The following JAM3 variants were observed in gnomAD, a reference collection of about 807,000 sequenced individuals.
JAM3 encodes junctional adhesion molecule C.
A neutral mutation model predicts 39.4 loss-of-function variants in JAM3; 31 were observed. The observed-to-expected ratio is 0.79, with a 90% CI of 0.59 to 1.06. The LOEUF (loss-of-function observed/expected upper bound fraction) is 1.06, where lower values mean the gene tolerates loss of function less well. Among genes scored for constraint, JAM3 ranks in the 50% least tolerant of loss-of-function variants. The pLI is 0.00. For synonymous variants in JAM3, 182 were observed against 148.7 expected, an observed-to-expected ratio of 1.22 and a Z score of -1.63; for missense variants, 455 against 391.4, an observed-to-expected ratio of 1.16 and a Z score of -1.37.
chr11:134,151,075 C>CTGT lies in JAM3; in HGVS notation c.*1895_*1897dup, dbSNP rs1366808847. The CTGT allele has an allele frequency of 1.3e-5, 2 of 152,298 alleles. No individual in the cohort carries two copies. The highest frequency in any genetic ancestry group is 2.4e-5 in the African/African-American group (1 of 41,474). The allele number at this position is 152,298 out of a possible 1,614,324, so 9.4% of individuals were successfully genotyped here. ...CCGTGCTGGACTCAGGACTGAAGTG[C>CTGT]TGTAAAGCAAGGAGCTGCTGAGAAG... On this transcript the variant is annotated 3_prime_UTR_variant, in exon 9 of 9. Coordinates refer to ENST00000299106, the MANE Select transcript of JAM3 (RefSeq NM_032801.5).
rs938216452 is a variant in JAM3, at chr11:134,144,132, C to T, written c.257-109C>T. ...CTCGGGAATAGAAATAAATATTGAT[C>T]TGCAGGCTTCCTTGCTGTGGCATCT... On this transcript the variant is annotated intron_variant, in intron 3 of 8. Coordinates refer to ENST00000299106, the MANE Select transcript of JAM3 (RefSeq NM_032801.5). 3 of 1,009,606 alleles carry T rather than the reference C, an allele frequency of 3.0e-6. No homozygotes were observed. The African/African-American group carries it at 4.8e-5, about 16-fold the overall frequency. 62.5% of individuals were successfully genotyped at this position (1,009,606 alleles called of 1,614,324 possible).
chr11:134,088,811 A>G (rs1465439902), intron 1 of JAM3, among the ~76,000 whole-genome samples: 1 of 152,132 alleles, frequency 6.6e-6, no homozygotes, highest in Non-Finnish European at 1.5e-5. Context: ...ATTTTTTGAG[A>G]TGGAGTCTCA....
intron 1 of JAM3, among the ~76,000 whole-genome samples, chr11:134,098,352 T>TA (rs930727167): frequency 2.0e-5 from 3 of 152,094 alleles, no homozygotes; most frequent in African/African-American, 7.2e-5. Flanking sequence ...TCTTTTAATT[T>TA]AAAAAAAGCT....
chr11:134,124,759 C>G (rs1402531483), intron 1 of JAM3, among the ~76,000 whole-genome samples: 3 of 152,076 alleles, frequency 2.0e-5, no homozygotes, highest in Admixed American at 1.3e-4. Flanking sequence ...GTCGGTGTGT[C>G]CAGGAGTGTT....
chr11:134,113,953 G>A (rs1180935477), intron 1 of JAM3, among the ~76,000 whole-genome samples: 2 of 152,160 alleles, frequency 1.3e-5, no homozygotes, highest in Non-Finnish European at 2.9e-5. Flanking sequence ...GTGATGATGA[G>A]CATTTCTTCA....
chr11:134,082,387 CA>C (rs1216712278), intron 1 of JAM3, among the ~76,000 whole-genome samples: 2 of 152,036 alleles, frequency 1.3e-5, no homozygotes, highest in Admixed American at 1.3e-4. Context: ...TGGGAGGGGC[CA>C]GGGGTGGAAT....
intron 1 of JAM3, among the ~76,000 whole-genome samples, chr11:134,122,386 G>A (rs1293863302): frequency 6.6e-6 from 1 of 152,142 alleles, no homozygotes; most frequent in Non-Finnish European, 1.5e-5. Flanking sequence ...AGCCCCTGAT[G>A]GTACCCCTCT....
intron 1 of JAM3, among the ~76,000 whole-genome samples, chr11:134,128,519 G>A (rs1306847926): frequency 6.6e-6 from 1 of 152,186 alleles, no homozygotes; most frequent in African/African-American, 2.4e-5. Context: ...CCTGGTGGAC[G>A]TGATTGGATT....
chr11:134,095,596 A>C (rs887076047), intron 1 of JAM3, among the ~76,000 whole-genome samples: 8 of 151,356 alleles, frequency 5.3e-5, no homozygotes, highest in Non-Finnish European at 1.0e-4. Flanking sequence ...GCGCCACTGC[A>C]CTCCAGCCTG....
intron 1 of JAM3, among the ~76,000 whole-genome samples, chr11:134,118,056 G>A (rs1846624011): frequency 1.3e-5 from 2 of 152,200 alleles, no homozygotes; most frequent in African/African-American, 4.8e-5. Context: ...TTATGGGACT[G>A]GGCTCACACA....
intron 1 of JAM3, among the ~76,000 whole-genome samples, chr11:134,110,090 T>G (rs1371114806): frequency 6.6e-6 from 1 of 152,184 alleles, no homozygotes; most frequent in East Asian, 1.9e-4. Flanking sequence ...AATTTGCACC[T>G]TAATGCAAAT....
chr11:134,148,379 G>T, intron 6 of JAM3, 168 bp from the exon 7 acceptor site: 5 of 748,016 alleles, frequency 6.7e-6, no homozygotes. Context: ...TGTCCTATAT[G>T]TTCTAGGCTA....
At position 134,132,634 on chromosome 11, in the gene JAM3, C is replaced by G. The variant is rs553023490; in HGVS notation, c.77-7217C>G. On this transcript the variant is annotated intron_variant, in intron 1 of 8. Coordinates refer to ENST00000299106, the MANE Select transcript of JAM3 (RefSeq NM_032801.5). ...GTTAGACTCTGGTAAGACAATTTCT[C>G]TTTTGGGCAGGCCTTGTTAAGGACA... 5.9e-5 allele frequency among the ~76,000 whole-genome samples: 9 copies of G among 152,276 alleles called. No homozygotes were observed. In the South Asian group the frequency reaches 1.7e-3, roughly 28 times the overall value.
At chr11:134,077,963 T>C (rs758733938) in intron 1 of JAM3, among the ~76,000 whole-genome samples, 1 of 151,946 alleles carries the variant, frequency 6.6e-6, no homozygotes, top group Non-Finnish European at 1.5e-5. Context: ...AGGATGCTTT[T>C]TCTTGAGAGT....
intron 1 of JAM3, among the ~76,000 whole-genome samples, chr11:134,088,109 A>G (rs1470265734): frequency 6.6e-6 from 1 of 152,208 alleles, no homozygotes; most frequent in Non-Finnish European, 1.5e-5. Flanking sequence ...TTTAGAATAC[A>G]TCACTGTTAA....
intron 1 of JAM3, among the ~76,000 whole-genome samples, chr11:134,069,370 C>T (rs1325354844): frequency 6.6e-6 from 1 of 152,104 alleles, no homozygotes; most frequent in Non-Finnish European, 1.5e-5. Flanking sequence ...CTGGGACGCC[C>T]GGCAGTTGGA....
chr11:134,101,760 G>C (rs1942077726), intron 1 of JAM3, among the ~76,000 whole-genome samples: 1 of 152,028 alleles, frequency 6.6e-6, no homozygotes, highest in South Asian at 2.1e-4. Context: ...TATGTGCCAG[G>C]AATTTATAAG....
intron 1 of JAM3, among the ~76,000 whole-genome samples, chr11:134,076,110 T>G (rs1417304047): frequency 6.6e-6 from 1 of 151,698 alleles, no homozygotes; most frequent in Non-Finnish European, 1.5e-5. Flanking sequence ...AGTTGTTTTT[T>G]GCTTGCTTAA....
chr11:134,093,283 C>T lies in JAM3; in HGVS notation c.76+24124C>T, dbSNP rs1427403040. ...AAGCTTCTCCTGAAACCTCCTTATTCGTCATGTTCCACCTTACATCTTATT... is the reference window on the plus strand; with the variant it reads ...AAGCTTCTCCTGAAACCTCCTTATTTGTCATGTTCCACCTTACATCTTATT... On this transcript the variant is annotated intron_variant, in intron 1 of 8. Transcript: ENST00000299106. 1.5e-5 allele frequency among the ~76,000 whole-genome samples: 2 copies of T among 136,106 alleles called. 1 individual carries two copies. Among genetic ancestry groups the T allele is most frequent in the Admixed American group, 1.4e-4 (2 of 13,934 alleles). The allele number at this position is 136,106 out of a possible 152,430, so 89.3% of individuals were successfully genotyped here.
Sources: allele counts gnomAD v4.1 joint callset (sites outside exome capture counted in the v4.1 genomes callset), GRCh38; gene constraint gnomAD v4.1.1; transcripts MANE v1.5; gene names NCBI Gene and HGNC (gene_info 2026-07-23, HGNC 2026-07-21).